MYSM1: variants seen among roughly 807,000 people sequenced by gnomAD.
MYSM1 encodes deubiquitinase MYSM1.
Under a neutral mutation model 116.0 loss-of-function variants are expected in MYSM1, and 51 were observed. The observed-to-expected ratio is 0.44, with a 90% CI of 0.35 to 0.56. The LOEUF (loss-of-function observed/expected upper bound fraction) is 0.56, where lower values mean the gene tolerates loss of function less well. Ranked by LOEUF, MYSM1 falls within the 20% of genes least tolerant of loss-of-function variation. The probability of loss-of-function intolerance (pLI) is 0.00; values close to 1 mark genes in which losing one functional copy is unlikely to be tolerated. For missense variants in MYSM1, 900 were observed against 974.9 expected (o/e 0.92, Z 1.02); for synonymous variants, 313 against 315.2 (o/e 0.99, Z 0.07).
At chr1:58,678,935 T>C (rs1395872536) in intron 8 of MYSM1, among the ~76,000 whole-genome samples, 7 of 152,214 alleles carry the variant, frequency 4.6e-5, no homozygotes, top group Admixed American at 1.3e-4. Context: ...AAAAGTTTTT[T>C]ATCCTCTGTG....
chr1:58,679,188 A>C (rs567518724), intron 8 of MYSM1, among the ~76,000 whole-genome samples: 1 of 152,102 alleles, frequency 6.6e-6, no homozygotes, highest in South Asian at 2.1e-4. Flanking sequence ...TTTTTTTAAC[A>C]CCACCTCCAG....
intron 8 of MYSM1, among the ~76,000 whole-genome samples, chr1:58,679,753 C>A (rs1481148913): frequency 2.6e-5 from 4 of 152,144 alleles, no homozygotes; most frequent in Non-Finnish European, 4.4e-5. Flanking sequence ...GTCAGCCGGG[C>A]GTGGTGGCTC....
intron 12 of MYSM1, among the ~76,000 whole-genome samples, chr1:58,670,785 A>G (rs565224128): frequency 1.3e-5 from 2 of 152,314 alleles, no homozygotes; most frequent in South Asian, 4.1e-4. Context: ...ATCAGTGAGT[A>G]ATGGCAGGAA....
intron 8 of MYSM1, 79 bp from the exon 9 acceptor site, chr1:58,677,135 T>C (rs1270973288): frequency 6.3e-6 from 8 of 1,266,078 alleles, no homozygotes; most frequent in African/African-American, 3.0e-5. Context: ...CTTTCAATAT[T>C]TGAAATATCT....
chr1:58,676,533 G>A (rs1290689844), intron 9 of MYSM1, among the ~76,000 whole-genome samples: 1 of 152,046 alleles, frequency 6.6e-6, no homozygotes, highest in East Asian at 1.9e-4. Flanking sequence ...ACATGTAAGT[G>A]TAGAGGCTCA....
At chr1:58,666,903 A>C in intron 16 of MYSM1, 135 bp downstream of exon 16, 1 of 418,442 alleles carries the variant, frequency 2.4e-6, no homozygotes. Context: ...AAAATAAATA[A>C]AAATAAACAA....
At chr1:58,669,780 A>G (rs1644528098) in intron 12 of MYSM1, among the ~76,000 whole-genome samples, 1 of 128,490 alleles carries the variant, frequency 7.8e-6, no homozygotes, top group Non-Finnish European at 1.6e-5. Flanking sequence ...GTGAGCCATG[A>G]TTTCACCACT....
Position 58,699,845 on chromosome 1 carries a change from TC to T in MYSM1, c.68+139del, listed in dbSNP as rs539297819. 3.7e-4 allele frequency: 528 copies of T among 1,440,440 alleles called. 1 individual carries two copies. In the African/African-American group the frequency reaches 6.8e-3, roughly 19 times the overall value. The allele number at this position is 1,440,440 out of a possible 1,614,324, so 89.2% of individuals were successfully genotyped here. A position where few individuals can be genotyped will look rare whatever the true frequency, so the allele number is the denominator to read the frequency against. ...GGGACAAGCCGGCGGGCGAGGTGCC[TC>T]CCAGGCCAACAAGAGACCCTGGCCC... On this transcript the variant is annotated intron_variant, in intron 1 of 19. Coordinates refer to ENST00000472487, the MANE Select transcript of MYSM1 (RefSeq NM_001085487.3).
intron 17 of MYSM1, among the ~76,000 whole-genome samples, chr1:58,662,945 T>C (rs1386062009): frequency 1.3e-5 from 2 of 152,162 alleles, no homozygotes; most frequent in Admixed American, 1.3e-4. Flanking sequence ...ATGGATACCA[T>C]CTATATAATG....
Position 58,657,999 on chromosome 1 carries a change from C to T in MYSM1, c.*1998G>A, listed in dbSNP as rs1313510629. 3 of 152,082 alleles carry T rather than the reference C, an allele frequency of 2.0e-5. No individual in the cohort carries two copies. Among genetic ancestry groups the T allele is most frequent in the Non-Finnish European group, 4.4e-5 (3 of 68,010 alleles). The allele number at this position is 152,082 out of a possible 1,614,324, so 9.4% of individuals were successfully genotyped here. On this transcript the variant is annotated 3_prime_UTR_variant, in exon 20 of 20. Coordinates refer to ENST00000472487, the MANE Select transcript of MYSM1 (RefSeq NM_001085487.3). The stretch of plus-strand genomic sequence containing the variant: ...TATAAAACACTTTTTAGTATTTGTT[C>T]CCCAATATATCATGAGGAAACAGGT...
At chr1:58,688,076 T>C (rs961651923) in intron 6 of MYSM1, among the ~76,000 whole-genome samples, 1 of 151,746 alleles carries the variant, frequency 6.6e-6, no homozygotes, top group Non-Finnish European at 1.5e-5. Flanking sequence ...ATCATATAAA[T>C]GATAATCATA....
Position 58,690,220 on chromosome 1 carries a change from A to C in MYSM1, c.320+6T>G. On this transcript the variant is annotated splice_donor_region_variant and intron_variant, in intron 5 of 19. Coordinates refer to ENST00000472487, the MANE Select transcript of MYSM1 (RefSeq NM_001085487.3). ...AGATTTATAAATATAAAATATAAGT[A>C]CATACATGATTTTTGCTGTTTTCTG... 6.5e-7 allele frequency: 1 copy of C among 1,541,542 alleles called. No individual in the cohort carries two copies. Among genetic ancestry groups the C allele is most frequent in the East Asian group, 2.4e-5 (1 of 42,246 alleles).
intron 9 of MYSM1, 72 bp downstream of exon 9, chr1:58,676,854 T>G (rs1313223565): frequency 6.7e-7 from 1 of 1,496,776 alleles, no homozygotes; most frequent in African/African-American, 1.4e-5. Flanking sequence ...ATTCTAACCA[T>G]CATAGAAATG....
intron 11 of MYSM1, among the ~76,000 whole-genome samples, chr1:58,673,289 A>G (rs1424312253): frequency 6.6e-6 from 1 of 152,206 alleles, no homozygotes; most frequent in Non-Finnish European, 1.5e-5. Flanking sequence ...ATGTTTAATG[A>G]AACGAATTGG....
chr1:58,691,565 GTAT>G (rs376475114), intron 3 of MYSM1, among the ~76,000 whole-genome samples: 8 of 151,872 alleles, frequency 5.3e-5, no homozygotes, highest in African/African-American at 1.9e-4. Flanking sequence ...TGTACTCTAA[GTAT>G]AAAACACAGT....
At chr1:58,697,315 A>ACTC (rs1158002764) in intron 1 of MYSM1, among the ~76,000 whole-genome samples, 1 of 152,112 alleles carries the variant, frequency 6.6e-6, no homozygotes, top group Non-Finnish European at 1.5e-5. Context: ...AGGTACAGAT[A>ACTC]GATTCAGAGA....
intron 11 of MYSM1, among the ~76,000 whole-genome samples, chr1:58,672,817 A>C (rs992186532): frequency 6.6e-6 from 1 of 152,134 alleles, no homozygotes; most frequent in Non-Finnish European, 1.5e-5. Context: ...GACCAACCTT[A>C]TTGAACTTAC....
intron 1 of MYSM1, among the ~76,000 whole-genome samples, chr1:58,698,102 A>ATATATATATATATATATTT: frequency 3.9e-4 from 3 of 7,768 alleles, no homozygotes; most frequent in Admixed American, 4.2e-3. Context: ...ATATATATAT[A>ATATATATATATATATATTT]TTTTTTTTTT....
At chr1:58,669,849 A>AC (rs1557509413) in intron 12 of MYSM1, among the ~76,000 whole-genome samples, 1 of 148,480 alleles carries the variant, frequency 6.7e-6, no homozygotes, top group East Asian at 2.0e-4. Context: ...AAAAAAAAAA[A>AC]AAAAAAAAAA....
Sources: gnomAD v4.1 joint callset for allele counts (sites outside exome capture counted in the v4.1 genomes callset) on GRCh38, gnomAD v4.1.1 for gene constraint, MANE v1.5 for transcripts, NCBI Gene and HGNC (gene_info 2026-07-23, HGNC 2026-07-21) for gene names.